Variants in ELSPBP1 observed in about 807,000 individuals in gnomAD.
The protein encoded by ELSPBP1 is epididymal sperm-binding protein 1.
Under a neutral mutation model 33.3 loss-of-function variants are expected in ELSPBP1, and 38 were observed. That is an observed-to-expected ratio of 1.14 (90% CI 0.88 to 1.50). The LOEUF is 1.50. ELSPBP1 is among the 40% of genes most tolerant of loss of function. The probability of loss-of-function intolerance (pLI) is 0.00; values close to 1 mark genes in which losing one functional copy is unlikely to be tolerated. For synonymous variants in ELSPBP1, 85 were observed against 94.1 expected (o/e 0.90, Z 0.56); for missense variants, 267 against 263.5 (o/e 1.01, Z -0.09).
At chr19:48,023,814 C>T (rs867396346) in intron 6 of ELSPBP1, among the ~76,000 whole-genome samples, 1 of 151,768 alleles carries the variant, frequency 6.6e-6, no homozygotes, top group African/African-American at 2.4e-5. Flanking sequence ...CTTTATCCCT[C>T]TTTTCTTTTT....
intron 6 of ELSPBP1, among the ~76,000 whole-genome samples, chr19:48,023,849 A>AT (rs200653369): frequency 1.3e-5 from 2 of 148,568 alleles, no homozygotes; most frequent in Admixed American, 6.7e-5. Flanking sequence ...TTCTTTCTTT[A>AT]TTTTTTTCTT....
chr19:47,995,090 T>C (rs192644806), intron 1 of ELSPBP1, among the ~76,000 whole-genome samples: 12 of 152,354 alleles, frequency 7.9e-5, no homozygotes, highest in Non-Finnish European at 1.5e-4. Context: ...ATTTTTTCCC[T>C]ATACTTTGTC....
intron 4 of ELSPBP1, among the ~76,000 whole-genome samples, chr19:48,019,145 C>T (rs77044966): frequency 0.093 from 14,188 of 152,016 alleles, 816 homozygotes; most frequent in African/African-American, 0.17. Context: ...CAGAGAAAGA[C>T]TCCATCTAAA....
rs397937280 is a variant in ELSPBP1 at position 47,999,387 on chromosome 19, C to CTTT, written c.-18+4593_-18+4595dup. Among the ~76,000 whole-genome samples, 1,062 of 129,928 alleles carry CTTT rather than the reference C, an allele frequency of 8.2e-3. 44 individuals carry two copies. The highest frequency in any genetic ancestry group is 0.017 in the African/African-American group (592 of 34,260). The allele number at this position is 129,928 out of a possible 152,430, so 85.2% of individuals were successfully genotyped here. A position where few individuals can be genotyped will look rare whatever the true frequency, so the allele number is the denominator to read the frequency against. ...CCACCCCATACTGAAAGCCTCATTTCTTTTTTTTTTTTTTTTTTTGAGAAA... is the reference window on the plus strand; with the variant it reads ...CCACCCCATACTGAAAGCCTCATTTCTTTTTTTTTTTTTTTTTTTTTTGAGAAA... On this transcript the variant is annotated intron_variant, in intron 1 of 6. Transcript: ENST00000339841.
intron 1 of ELSPBP1, among the ~76,000 whole-genome samples, chr19:47,999,141 C>T (rs1392766462): frequency 2.0e-5 from 3 of 152,180 alleles, no homozygotes; most frequent in Admixed American, 1.3e-4. Flanking sequence ...TCCCTGACCA[C>T]CAAAGGAGAC....
At chr19:48,014,045 A>G (rs928683880) in intron 2 of ELSPBP1, 126 bp from the exon 3 acceptor site, 1 of 1,122,892 alleles carries the variant, frequency 8.9e-7, no homozygotes, top group Non-Finnish European at 1.3e-6. Flanking sequence ...TTAACATATG[A>G]ATTTTGCGGC....
rs1322140272 is a variant in ELSPBP1, at chr19:48,011,995, TTTAA to T, written c.71-2172_71-2169del. Among the ~76,000 whole-genome samples the T allele has an allele frequency of 2.6e-5, 4 of 152,056 alleles. No individual in the cohort carries two copies. Among genetic ancestry groups the T allele is most frequent in the South Asian group, 2.1e-4 (1 of 4,808 alleles). On this transcript the variant is annotated intron_variant, in intron 2 of 6. Coordinates refer to ENST00000339841, the MANE Select transcript of ELSPBP1 (RefSeq NM_022142.5). The surrounding 1 kb of genome is among the most constrained non-coding windows in gnomAD (Gnocchi z 4.5). The stretch of plus-strand genomic sequence containing the variant: ...GGTCTACAAAAAAAAAGCAATCAAC[TTTAA>T]TTAGTCCTTATTGTACGTGGGTTTT...
intron 1 of ELSPBP1, among the ~76,000 whole-genome samples, chr19:47,998,072 G>T (rs1600099261): frequency 6.6e-6 from 1 of 152,068 alleles, no homozygotes; most frequent in African/African-American, 2.4e-5. Flanking sequence ...CCATCTTTTC[G>T]TTCCTCTGCA....
At chr19:48,021,354 C>T (rs896691949) in intron 5 of ELSPBP1, among the ~76,000 whole-genome samples, 3 of 150,754 alleles carry the variant, frequency 2.0e-5, no homozygotes, top group Admixed American at 2.0e-4. Flanking sequence ...GCATTCTGAG[C>T]AGTGCCCAGG....
At chr19:47,997,588 T>TATTC in intron 1 of ELSPBP1, among the ~76,000 whole-genome samples, 1 of 148,696 alleles carries the variant, frequency 6.7e-6, no homozygotes, top group South Asian at 2.1e-4. Context: ...TTCTTTTCCT[T>TATTC]ATTTATTTAT....
At chr19:48,007,296 C>T (rs16982092) in intron 1 of ELSPBP1, among the ~76,000 whole-genome samples, 17,813 of 152,062 alleles carry the variant, frequency 0.12, 1,921 homozygotes, top group African/African-American at 0.29. Flanking sequence ...TATAGACAGG[C>T]CCGCACTGAC....
Position 48,008,752 on chromosome 19 carries a change from A to G in ELSPBP1, c.70+15A>G, listed in dbSNP as rs1049879484. The G allele has an allele frequency of 6.2e-7, 1 of 1,607,962 alleles. No individual in the cohort carries two copies. Among genetic ancestry groups the G allele is most frequent in the Non-Finnish European group, 8.5e-7 (1 of 1,174,914 alleles). On this transcript the variant is annotated intron_variant, in intron 2 of 6. Transcript: ENST00000339841. The stretch of plus-strand genomic sequence containing the variant: ...GTCAAGTGGAGGTAAGGACACTCAA[A>G]GCAACAGGGAGGATTTAGAAGCTGG...
chr19:48,023,516 T>TGGG (rs1967233699), intron 6 of ELSPBP1, among the ~76,000 whole-genome samples: 1 of 65,834 alleles, frequency 1.5e-5, no homozygotes, highest in Non-Finnish European at 3.0e-5. Context: ...AGGAAGGAAA[T>TGGG]AAGGAAGGAA....
rs376690556 is a variant in ELSPBP1, at chr19:48,014,324, T to C, written c.208+16T>C. 2.3e-5 allele frequency: 37 copies of C among 1,611,812 alleles called. No homozygotes were observed. The highest frequency in any genetic ancestry group is 3.1e-5 in the Non-Finnish European group (36 of 1,179,394). ...CAGAGTGAAGGTGAGTGGTATCACA[T>C]TGTCCCTGCCAGTGGCCTTTGAATA... On this transcript the variant is annotated intron_variant, in intron 3 of 6. Transcript: ENST00000339841.
At position 48,015,947 on chromosome 19, in the gene ELSPBP1, G is replaced by T. The variant is rs1170178725; in HGVS notation, c.263G>T (p.Cys88Phe). 2 of 1,613,982 alleles carry T rather than the reference G, an allele frequency of 1.2e-6. No homozygotes were observed. Among genetic ancestry groups the T allele is most frequent in the Non-Finnish European group, 1.7e-6 (2 of 1,179,880 alleles). Residue 88 changes from cysteine to phenylalanine, a missense_variant, in exon 4 of 7, where the codon TGC (cysteine) becomes TTC (phenylalanine). Cys to Phe is a radical substitution (Grantham distance 205). Coordinates refer to ENST00000339841, the MANE Select transcript of ELSPBP1 (RefSeq NM_022142.5). ...TATCGAGGAAAGGCTTATAACAGCT[G>T]CATCTCCCAGGGCAGCTTCTTAGGC... ...FIYRGKAYNS[C>F]ISQGSFLGSL...
At chr19:48,009,988 G>A (rs1474525019) in intron 2 of ELSPBP1, among the ~76,000 whole-genome samples, 3 of 152,076 alleles carry the variant, frequency 2.0e-5, no homozygotes, top group Non-Finnish European at 4.4e-5. Flanking sequence ...GGAGGAGAGG[G>A]TTTTTTGTTT....
At chr19:48,006,335 TG>T (rs1353785691) in intron 1 of ELSPBP1, among the ~76,000 whole-genome samples, 3 of 152,026 alleles carry the variant, frequency 2.0e-5, no homozygotes, top group Admixed American at 6.6e-5. Flanking sequence ...AATTTAAGGT[TG>T]GGCCCAGTGG....
intron 6 of ELSPBP1, among the ~76,000 whole-genome samples, chr19:48,023,548 A>AAGG: frequency 1.5e-5 from 1 of 64,602 alleles, no homozygotes; most frequent in Non-Finnish European, 3.8e-5. Context: ...AAGAAGGAAG[A>AAGG]AAAGGGAAGG....
intron 1 of ELSPBP1, among the ~76,000 whole-genome samples, chr19:48,008,319 ACCT>A (rs1967042797): frequency 6.6e-6 from 1 of 151,916 alleles, no homozygotes; most frequent in South Asian, 2.1e-4. Flanking sequence ...TGCAGCCTTG[ACCT>A]CCTGGGCTCA....
Sources: allele counts gnomAD v4.1 joint callset (sites outside exome capture counted in the v4.1 genomes callset), GRCh38; gene constraint gnomAD v4.1.1; non-coding constraint Gnocchi (gnomAD v3.1); transcripts MANE v1.5; gene names NCBI Gene and HGNC (gene_info 2026-07-23, HGNC 2026-07-21).